RYK: variants seen among roughly 807,000 people sequenced by gnomAD.
RYK encodes the protein receptor like tyrosine kinase.
A neutral mutation model predicts 70.2 loss-of-function variants in RYK; 21 were observed. That is an observed-to-expected ratio of 0.30 (90% CI 0.21 to 0.43). The LOEUF is 0.43. RYK is among the 20% of genes least tolerant of loss of function. The pLI is 1.00. For synonymous variants in RYK, 267 were observed against 278.0 expected (o/e 0.96, Z 0.39); for missense variants, 604 against 753.3 (o/e 0.80, Z 2.32).
intron 2 of RYK, among the ~76,000 whole-genome samples, chr3:134,221,274 G>A (rs1346381909): frequency 1.4e-4 from 18 of 130,778 alleles, no homozygotes; most frequent in Admixed American, 8.1e-4. Flanking sequence ...GTGCGATCTC[G>A]GCTCACTGCA....
At chr3:134,158,470 C>T (rs2012327644) in intron 14 of RYK, among the ~76,000 whole-genome samples, 1 of 152,108 alleles carries the variant, frequency 6.6e-6, no homozygotes, top group African/African-American at 2.4e-5. Context: ...TTCAATTCTT[C>T]ATGACAACAT....
At chr3:134,176,086 G>C (rs1326656330) in intron 11 of RYK, 47 bp from the exon 12 acceptor site, 14 of 1,098,888 alleles carry the variant, frequency 1.3e-5, no homozygotes, top group Non-Finnish European at 1.9e-5. Flanking sequence ...ACACAAATAT[G>C]ATGGCACTTT....
intron 6 of RYK, among the ~76,000 whole-genome samples, chr3:134,199,074 G>A (rs958584651): frequency 5.9e-5 from 9 of 152,328 alleles, no homozygotes; most frequent in African/African-American, 2.2e-4. Flanking sequence ...TGAATGTAAA[G>A]AGAAGCTCTG....
chr3:134,193,788 T>A (rs1408422214), intron 7 of RYK, among the ~76,000 whole-genome samples: 1 of 152,204 alleles, frequency 6.6e-6, no homozygotes, highest in African/African-American at 2.4e-5. Context: ...TTGAAGAAAC[T>A]GGGTCGGCTA....
At chr3:134,179,080 T>C (rs1424098638) in intron 10 of RYK, 1 of 152,096 alleles carries the variant, frequency 6.6e-6, no homozygotes, top group Non-Finnish European at 1.5e-5. Flanking sequence ...TAAGTCACAA[T>C]TGGTCACAAT....
intron 1 of RYK, among the ~76,000 whole-genome samples, chr3:134,243,526 ACT>A (rs1321216538): frequency 1.3e-5 from 2 of 152,072 alleles, no homozygotes; most frequent in Admixed American, 1.3e-4. Context: ...TCAAATTCCT[ACT>A]CTAACCTCAG....
chr3:134,200,858 A>G (rs1177269237), intron 6 of RYK, among the ~76,000 whole-genome samples: 3 of 152,254 alleles, frequency 2.0e-5, no homozygotes, highest in Non-Finnish European at 4.4e-5. Flanking sequence ...GGTTTTACTC[A>G]GGTAATGTCT....
intron 11 of RYK, 52 bp downstream of exon 11, chr3:134,177,889 C>T: frequency 6.8e-7 from 1 of 1,479,886 alleles, no homozygotes; most frequent in Non-Finnish European, 9.3e-7. Context: ...CTTTCAAAGA[C>T]ATTATCAGAA....
intron 4 of RYK, among the ~76,000 whole-genome samples, 154 bp from the exon 5 acceptor site, chr3:134,207,679 A>G (rs1423553864): frequency 6.6e-6 from 1 of 152,226 alleles, no homozygotes; most frequent in East Asian, 1.9e-4. Context: ...TCACCACTAC[A>G]GTCACCAATC....
chr3:134,196,263 A>C (rs1329999901), intron 6 of RYK, among the ~76,000 whole-genome samples: 1 of 152,148 alleles, frequency 6.6e-6, no homozygotes, highest in Non-Finnish European at 1.5e-5. Flanking sequence ...AGCAGTGGAG[A>C]CGTGAAACAT....
At chr3:134,228,627 T>C (rs531790064) in intron 1 of RYK, among the ~76,000 whole-genome samples, 2 of 151,992 alleles carry the variant, frequency 1.3e-5, no homozygotes, top group Admixed American at 6.5e-5. Context: ...CACTCATATG[T>C]GGAATCTTTA....
chr3:134,222,270 GA>G, intron 2 of RYK, 147 bp downstream of exon 2: 6 of 823,874 alleles, frequency 7.3e-6, no homozygotes, highest in Non-Finnish European at 1.1e-5. Context: ...CCAAATATTT[GA>G]AATATAAATC....
chr3:134,197,503 T>G (rs2013852797), intron 6 of RYK, among the ~76,000 whole-genome samples: 1 of 152,234 alleles, frequency 6.6e-6, no homozygotes, highest in African/African-American at 2.4e-5. Flanking sequence ...TAAATTATTG[T>G]TACTAATTTA....
intron 13 of RYK, among the ~76,000 whole-genome samples, chr3:134,161,076 A>G (rs910277248): frequency 6.6e-6 from 1 of 152,218 alleles, no homozygotes; most frequent in African/African-American, 2.4e-5. Flanking sequence ...TGCTGAAAAT[A>G]TATTAGTAAC....
chr3:134,242,510 TCAA>T (rs1264268502), intron 1 of RYK, among the ~76,000 whole-genome samples: 1 of 152,360 alleles, frequency 6.6e-6, no homozygotes, highest in Admixed American at 6.5e-5. Context: ...TTGATTTACA[TCAA>T]CAACGCACAA....
At chr3:134,189,059 A>G (rs570233422) in intron 8 of RYK, 136 bp from the exon 9 acceptor site, 60 of 509,144 alleles carry the variant, frequency 1.2e-4, no homozygotes, top group African/African-American at 1.1e-3. Context: ...CCTAGAGTAA[A>G]AAGACCCAAA....
In RYK at chr3:134,212,411, C is replaced by G. The variant is rs533410964; in HGVS notation, c.355-804G>C. ...CATCAAGACTTTCAATGAAGCCCTA[C>G]AGTTCACATCACTCTCTGCCCTGCC... On this transcript the variant is annotated intron_variant, in intron 2 of 14. Coordinates refer to ENST00000623711, the MANE Select transcript of RYK (RefSeq NM_002958.4). Among the ~76,000 whole-genome samples, 343 of 152,302 alleles carry G rather than the reference C, an allele frequency of 2.3e-3. 1 individual carries two copies. The highest frequency in any genetic ancestry group is 7.7e-3 in the African/African-American group (320 of 41,564).
chr3:134,194,424 T>C (rs948507503), intron 7 of RYK, among the ~76,000 whole-genome samples: 3 of 152,204 alleles, frequency 2.0e-5, no homozygotes, highest in African/African-American at 7.2e-5. Flanking sequence ...TTCCTTGATA[T>C]CTGACTCAGC....
At chr3:134,200,960 G>C (rs907807731) in intron 6 of RYK, among the ~76,000 whole-genome samples, 5 of 152,330 alleles carry the variant, frequency 3.3e-5, no homozygotes, top group African/African-American at 7.2e-5. Flanking sequence ...ATGCCCCATG[G>C]AATCTGAAAG....
Sources: allele counts gnomAD v4.1 joint callset (sites outside exome capture counted in the v4.1 genomes callset), GRCh38; gene constraint gnomAD v4.1.1; transcripts MANE v1.5; gene names NCBI Gene and HGNC (gene_info 2026-07-23, HGNC 2026-07-21).